SLIT3: variants seen among roughly 807,000 people sequenced by gnomAD.
SLIT3 encodes slit guidance ligand 3.
SLIT3 carries 68 observed loss-of-function variants against 184.0 expected under a neutral mutation model. The ratio of observed to expected loss-of-function variants is 0.37; its 90% CI spans 0.30 to 0.45. The LOEUF (loss-of-function observed/expected upper bound fraction) is 0.45. Among genes scored for constraint, SLIT3 ranks in the 20% least tolerant of loss-of-function variants. The probability of loss-of-function intolerance (pLI) is 1.00; values close to 1 mark genes in which losing one functional copy is unlikely to be tolerated. For missense variants in SLIT3, 1,707 were observed against 2,026.0 expected (o/e 0.84, Z 3.02); for synonymous variants, 831 against 828.6 (o/e 1.00, Z -0.05).
At chr5:168,668,433 A>C (rs923754548) in intron 35 of SLIT3, among the ~76,000 whole-genome samples, 7 of 152,198 alleles carry the variant, frequency 4.6e-5, no homozygotes, top group Non-Finnish European at 1.0e-4. Context: ...AAGGCATGGC[A>C]TCTCAAGGGC....
intron 4 of SLIT3, among the ~76,000 whole-genome samples, chr5:169,118,530 C>T (rs532406538): frequency 1.3e-5 from 2 of 152,100 alleles, no homozygotes; most frequent in African/African-American, 4.8e-5. Context: ...CTCTTGAGGT[C>T]CTAGGCAGGA....
At chr5:169,292,623 A>G (rs1161484963) in intron 1 of SLIT3, among the ~76,000 whole-genome samples, 2 of 152,218 alleles carry the variant, frequency 1.3e-5, no homozygotes, top group Admixed American at 6.5e-5. Context: ...GATTATATTG[A>G]CAACTTGGAT....
intron 5 of SLIT3, among the ~76,000 whole-genome samples, chr5:168,851,677 G>A (rs1758685275): frequency 6.6e-6 from 1 of 152,090 alleles, no homozygotes; most frequent in African/African-American, 2.4e-5. Flanking sequence ...GGTTTACATG[G>A]GACTTCCCTG....
chr5:168,702,078 GT>G (rs1487984702), intron 26 of SLIT3, among the ~76,000 whole-genome samples: 2 of 152,242 alleles, frequency 1.3e-5, no homozygotes, highest in African/African-American at 4.8e-5. Context: ...CCAGTCAGAG[GT>G]TTCTTGGAGG....
intron 29 of SLIT3, among the ~76,000 whole-genome samples, chr5:168,690,628 AG>A (rs1465674762): frequency 1.3e-5 from 2 of 152,168 alleles, no homozygotes; most frequent in South Asian, 2.1e-4. Flanking sequence ...AAGTCAAATC[AG>A]GGGGGTGGAA....
intron 23 of SLIT3, among the ~76,000 whole-genome samples, chr5:168,714,419 C>A (rs368162136): frequency 1.7e-4 from 26 of 152,262 alleles, no homozygotes; most frequent in African/African-American, 5.3e-4. Context: ...CCATTCTCTA[C>A]TAAAAATACA....
intron 6 of SLIT3, among the ~76,000 whole-genome samples, chr5:168,828,163 T>C (rs1473758513): frequency 6.6e-6 from 1 of 152,184 alleles, no homozygotes. Flanking sequence ...GTAGTAGCAT[T>C]GGGATTCAAA....
At chr5:169,143,615 A>G (rs1366766675) in intron 4 of SLIT3, among the ~76,000 whole-genome samples, 2 of 152,242 alleles carry the variant, frequency 1.3e-5, no homozygotes, top group Non-Finnish European at 2.9e-5. Flanking sequence ...CCCAGCCAAC[A>G]TGGCGAAAAC....
At chr5:168,966,378 A>C (rs1763194735) in intron 4 of SLIT3, among the ~76,000 whole-genome samples, 2 of 151,750 alleles carry the variant, frequency 1.3e-5, no homozygotes, top group Admixed American at 6.6e-5. Context: ...ATTTTTTATA[A>C]GAGAAAGGCA....
At chr5:169,129,936 C>T (rs975889881) in intron 4 of SLIT3, among the ~76,000 whole-genome samples, 2 of 152,078 alleles carry the variant, frequency 1.3e-5, no homozygotes, top group African/African-American at 4.8e-5. Flanking sequence ...GCAACCTCCA[C>T]CTCCTGGGTT....
chr5:168,851,234 A>G (rs999198169), intron 5 of SLIT3, among the ~76,000 whole-genome samples: 3 of 151,386 alleles, frequency 2.0e-5, no homozygotes, highest in Non-Finnish European at 4.4e-5. Flanking sequence ...GAGGCAGGAG[A>G]ATGGCGTGAA....
intron 10 of SLIT3, chr5:168,789,837 A>C: frequency 3.8e-6 from 2 of 528,558 alleles, no homozygotes; most frequent in South Asian, 3.0e-5. Flanking sequence ...CATTTACATC[A>C]CTCTTCTTGG....
At chr5:169,213,917 A>G (rs866842505) in intron 3 of SLIT3, among the ~76,000 whole-genome samples, 4 of 152,356 alleles carry the variant, frequency 2.6e-5, no homozygotes, top group South Asian at 2.1e-4. Context: ...GGAAGGAGAA[A>G]GAGGTGTGGA....
At chr5:169,108,035 A>G (rs559743084) in intron 4 of SLIT3, among the ~76,000 whole-genome samples, 1 of 152,146 alleles carries the variant, frequency 6.6e-6, no homozygotes, top group Admixed American at 6.5e-5. Context: ...TTCAATCCAT[A>G]CCTCTTTCCC....
intron 4 of SLIT3, among the ~76,000 whole-genome samples, chr5:169,008,480 A>T (rs962506335): frequency 1.3e-5 from 2 of 152,210 alleles, no homozygotes; most frequent in African/African-American, 4.8e-5. Flanking sequence ...AGAAATCCAC[A>T]GACCTCTTGG....
intron 3 of SLIT3, among the ~76,000 whole-genome samples, chr5:169,207,129 T>C (rs116790944): frequency 0.017 from 2,559 of 151,448 alleles, 55 homozygotes; most frequent in African/African-American, 0.044. Context: ...TCTGCAGAAA[T>C]AGTTTAAGAG....
intron 4 of SLIT3, among the ~76,000 whole-genome samples, chr5:168,897,942 A>G (rs7705020): frequency 0.44 from 66,751 of 151,906 alleles, 15,417 homozygotes; most frequent in Non-Finnish European, 0.52. Flanking sequence ...AGAACAGGGG[A>G]AGGTCGGCTG....
chr5:169,088,437 C>A (rs1389124209), intron 4 of SLIT3, among the ~76,000 whole-genome samples: 1 of 147,736 alleles, frequency 6.8e-6, no homozygotes, highest in Non-Finnish European at 1.5e-5. Flanking sequence ...GCGACAATAA[C>A]AATGACAACA....
At chr5:169,250,326 A>T (rs1009392797) in intron 2 of SLIT3, among the ~76,000 whole-genome samples, 2 of 152,234 alleles carry the variant, frequency 1.3e-5, no homozygotes, top group South Asian at 2.1e-4. Context: ...AACGCTTCAC[A>T]AGTAATCACA....
Sources: allele counts gnomAD v4.1 joint callset (sites outside exome capture counted in the v4.1 genomes callset), GRCh38; gene constraint gnomAD v4.1.1; transcripts MANE v1.5; gene names NCBI Gene and HGNC (gene_info 2026-07-23, HGNC 2026-07-21).